Variants in PARD3 observed in about 807,000 individuals in gnomAD.
The protein encoded by PARD3 is par-3 family cell polarity regulator, also known as partitioning defective 3 homolog.
A neutral mutation model predicts 155.4 loss-of-function variants in PARD3; 75 were observed. The ratio of observed to expected loss-of-function variants is 0.48; its 90% CI spans 0.40 to 0.58. The LOEUF (loss-of-function observed/expected upper bound fraction) is 0.58. Ranked by LOEUF, PARD3 falls within the 20% of genes least tolerant of loss-of-function variation. The probability of loss-of-function intolerance (pLI) is 0.00; values close to 1 mark genes in which losing one functional copy is unlikely to be tolerated. For missense variants in PARD3, 1,642 were observed against 1,721.7 expected, an observed-to-expected ratio of 0.95 and a Z score of 0.82; for synonymous variants, 576 against 610.5, an observed-to-expected ratio of 0.94 and a Z score of 0.83.
chr10:34,252,667 A>G (rs1461968137), intron 22 of PARD3, among the ~76,000 whole-genome samples: 1 of 152,060 alleles, frequency 6.6e-6, no homozygotes, highest in East Asian at 1.9e-4. Context: ...TTATTTTACT[A>G]TTATTCTGAG....
chr10:34,706,473 G>A lies in PARD3; in HGVS notation c.121-10054C>T, dbSNP rs149188014. On this transcript the variant is annotated intron_variant, in intron 1 of 24. Coordinates refer to ENST00000374788, the MANE Select transcript of PARD3 (RefSeq NM_001184785.2). ...CATAAAGAGAAGATCCAGGCCAGGC[G>A]TGGTGGCCCACACCTGTAATCCCAG... 4.4e-3 allele frequency among the ~76,000 whole-genome samples: 667 copies of A among 152,316 alleles called. 7 individuals carry two copies. The highest frequency in any genetic ancestry group is 0.015 in the African/African-American group (641 of 41,566).
chr10:34,290,180 A>C (rs1312899755), intron 20 of PARD3, among the ~76,000 whole-genome samples: 1 of 152,220 alleles, frequency 6.6e-6, no homozygotes, highest in African/African-American at 2.4e-5. Context: ...CGATAAATAA[A>C]AATACAATTA....
chr10:34,680,282 A>G (rs1409055020), intron 2 of PARD3, among the ~76,000 whole-genome samples: 2 of 152,088 alleles, frequency 1.3e-5, no homozygotes, highest in East Asian at 3.9e-4. Context: ...CATTCAGGCC[A>G]GTGTGGCAGC....
At chr10:34,653,644 G>T (rs1411903645) in intron 2 of PARD3, among the ~76,000 whole-genome samples, 1 of 152,024 alleles carries the variant, frequency 6.6e-6, no homozygotes, top group African/African-American at 2.4e-5. Flanking sequence ...AAACTGCCAG[G>T]TGTGGTGGTG....
intron 22 of PARD3, among the ~76,000 whole-genome samples, chr10:34,164,217 A>T (rs1364312609): frequency 2.0e-5 from 3 of 152,246 alleles, no homozygotes; most frequent in Non-Finnish European, 4.4e-5. Context: ...CTGTTTTTGT[A>T]ACAACTTTGA....
chr10:34,456,641 T>TA (rs1467152442), intron 4 of PARD3, among the ~76,000 whole-genome samples: 1 of 152,084 alleles, frequency 6.6e-6, no homozygotes, highest in Non-Finnish European at 1.5e-5. Flanking sequence ...CAGGAGTAAG[T>TA]AAAAAAATTT....
chr10:34,120,294 T>C (rs939530905), intron 23 of PARD3, among the ~76,000 whole-genome samples: 2 of 150,068 alleles, frequency 1.3e-5, no homozygotes, highest in African/African-American at 4.9e-5. Flanking sequence ...TGTAAGCCAC[T>C]AAACCCAGCG....
intron 22 of PARD3, among the ~76,000 whole-genome samples, chr10:34,211,018 T>C: frequency 6.6e-6 from 1 of 152,158 alleles, no homozygotes; most frequent in East Asian, 1.9e-4. Flanking sequence ...TGTCAAGGTC[T>C]TTGCATGTGT....
intron 22 of PARD3, among the ~76,000 whole-genome samples, chr10:34,259,576 T>A (rs540663815): frequency 6.6e-6 from 1 of 152,270 alleles, no homozygotes; most frequent in South Asian, 2.1e-4. Flanking sequence ...CCTCCCCATT[T>A]GAAGGTCCTT....
chr10:34,274,557 A>G (rs1296963850), intron 21 of PARD3, among the ~76,000 whole-genome samples: 1 of 152,190 alleles, frequency 6.6e-6, no homozygotes, highest in African/African-American at 2.4e-5. Context: ...GTCACCATTC[A>G]TCAGTCACTT....
chr10:34,322,500 A>C (rs1282005708), intron 19 of PARD3, among the ~76,000 whole-genome samples: 1 of 152,204 alleles, frequency 6.6e-6, no homozygotes, highest in Non-Finnish European at 1.5e-5. Flanking sequence ...CAAGTGTTAG[A>C]GCAACTGTGG....
chr10:34,216,870 G>A (rs1288146994), intron 22 of PARD3, among the ~76,000 whole-genome samples: 3 of 152,178 alleles, frequency 2.0e-5, no homozygotes, highest in African/African-American at 4.8e-5. Flanking sequence ...CACTTTAGAG[G>A]AAACTGCTTG....
intron 21 of PARD3, among the ~76,000 whole-genome samples, chr10:34,283,408 T>TTA (rs1323939813): frequency 6.6e-6 from 1 of 152,080 alleles, no homozygotes; most frequent in African/African-American, 2.4e-5. Context: ...TAAACTCTAA[T>TTA]AACAAAAGTG....
chr10:34,502,561 T>C (rs1260531334), intron 3 of PARD3, among the ~76,000 whole-genome samples: 2 of 152,158 alleles, frequency 1.3e-5, no homozygotes, highest in African/African-American at 2.4e-5. Context: ...TAGTACTAAT[T>C]GTGTGTGTAG....
intron 12 of PARD3, among the ~76,000 whole-genome samples, chr10:34,370,558 C>T (rs1380147389): frequency 6.6e-6 from 1 of 152,124 alleles, no homozygotes; most frequent in Non-Finnish European, 1.5e-5. Context: ...TGAGCCACTG[C>T]ACCTGGCCCT....
At chr10:34,450,178 T>A in intron 5 of PARD3, 139 bp downstream of exon 5, 1 of 713,556 alleles carries the variant, frequency 1.4e-6, no homozygotes, top group East Asian at 2.7e-5. Flanking sequence ...AACTCTGACA[T>A]AGAGATTGGT....
chr10:34,145,183 GTGTGTGTATATATATATA>G (rs1948399206), intron 22 of PARD3, among the ~76,000 whole-genome samples: 4 of 80,252 alleles, frequency 5.0e-5, no homozygotes, highest in African/African-American at 2.3e-4. Flanking sequence ...CATTGTGTGT[GTGTGTGTATATATATATA>G]TATATATATA....
chr10:34,125,228 G>A (rs1490478938), intron 23 of PARD3, among the ~76,000 whole-genome samples: 3 of 151,934 alleles, frequency 2.0e-5, no homozygotes, highest in Non-Finnish European at 2.9e-5. Flanking sequence ...CACCACGCCC[G>A]GCTAATTTTT....
chr10:34,424,607 C>T (rs898004628), intron 5 of PARD3, among the ~76,000 whole-genome samples: 2 of 152,114 alleles, frequency 1.3e-5, no homozygotes, highest in African/African-American at 4.8e-5. Context: ...CTCTGTCTCC[C>T]GGGTTCAAGA....
Sources: allele counts gnomAD v4.1 joint callset (sites outside exome capture counted in the v4.1 genomes callset), GRCh38; gene constraint gnomAD v4.1.1; transcripts MANE v1.5; gene names NCBI Gene and HGNC (gene_info 2026-07-23, HGNC 2026-07-21).